Variants in TBX5 observed in about 807,000 individuals in gnomAD.
The protein encoded by TBX5 is T-box transcription factor TBX5.
Under a neutral mutation model 51.1 loss-of-function variants are expected in TBX5, and 8 were observed. That is an observed-to-expected ratio of 0.16 (90% CI 0.09 to 0.28). The LOEUF is 0.28. Among genes scored for constraint, TBX5 ranks in the 10% least tolerant of loss-of-function variants. TBX5 has a pLI of 1.00. For missense variants in TBX5, 589 were observed against 671.7 expected, an observed-to-expected ratio of 0.88 and a Z score of 1.36; for synonymous variants, 302 against 266.4, an observed-to-expected ratio of 1.13 and a Z score of -1.30.
intron 5 of TBX5, among the ~76,000 whole-genome samples, chr12:114,396,034 G>A (rs1256653390): frequency 1.3e-5 from 2 of 152,178 alleles, no homozygotes; most frequent in Non-Finnish European, 2.9e-5. Context: ...GGGAACTGCG[G>A]AGGTTGTCTC....
chr12:114,397,578 G>A (rs935890906), intron 5 of TBX5, among the ~76,000 whole-genome samples: 4 of 152,176 alleles, frequency 2.6e-5, no homozygotes, highest in Admixed American at 1.3e-4. Flanking sequence ...GGGAAGAGGG[G>A]TGATGACCCT....
intron 8 of TBX5, among the ~76,000 whole-genome samples, chr12:114,364,585 C>A (rs971281832): frequency 3.3e-5 from 5 of 152,106 alleles, no homozygotes; most frequent in African/African-American, 1.2e-4. Context: ...TTTAGCCTAC[C>A]CCATCCCTTC....
chr12:114,368,416 G>A (rs1869675865), intron 7 of TBX5, among the ~76,000 whole-genome samples: 1 of 152,128 alleles, frequency 6.6e-6, no homozygotes, highest in Non-Finnish European at 1.5e-5. Flanking sequence ...CATGCGCAAA[G>A]AGCTACACGT....
intron 8 of TBX5, among the ~76,000 whole-genome samples, chr12:114,365,727 G>A (rs1011873281): frequency 6.6e-6 from 1 of 151,442 alleles, no homozygotes; most frequent in African/African-American, 2.4e-5. Context: ...CTACTAGGGA[G>A]GCTGATGTGA....
At chr12:114,384,014 T>A (rs2136395815) in intron 7 of TBX5, among the ~76,000 whole-genome samples, 1 of 152,324 alleles carries the variant, frequency 6.6e-6, no homozygotes, top group Middle Eastern at 3.4e-3. Context: ...CCGTGAATTA[T>A]TGAACCTCTT....
intron 3 of TBX5, among the ~76,000 whole-genome samples, chr12:114,401,028 A>T (rs1409354096): frequency 1.3e-5 from 2 of 151,904 alleles, no homozygotes; most frequent in African/African-American, 2.4e-5. Flanking sequence ...GACGCGGAAG[A>T]CCCGTCCAGC....
At chr12:114,404,346 A>G (rs755546340) in intron 1 of TBX5, among the ~76,000 whole-genome samples, 19 of 152,126 alleles carry the variant, frequency 1.2e-4, no homozygotes, top group Non-Finnish European at 2.2e-4. Flanking sequence ...ACAAAAACCC[A>G]GTGTCCTTTA....
At chr12:114,393,424 C>T (rs1394557806) in intron 6 of TBX5, among the ~76,000 whole-genome samples, 1 of 152,196 alleles carries the variant, frequency 6.6e-6, no homozygotes, top group East Asian at 1.9e-4. Context: ...GGGCAGGGGC[C>T]CCTCCCCCAG....
At chr12:114,357,492 T>A (rs2136362179) in intron 8 of TBX5, among the ~76,000 whole-genome samples, 1 of 152,318 alleles carries the variant, frequency 6.6e-6, no homozygotes, top group African/African-American at 2.4e-5. Context: ...GCAGGGCATC[T>A]ACGCTCAGAG....
rs372557517 is a variant in TBX5, at chr12:114,403,800, C to T, written c.99G>A (p.Gly33=). 2 of 1,614,072 alleles carry T rather than the reference C, an allele frequency of 1.2e-6. No individual in the cohort carries two copies. Among genetic ancestry groups the T allele is most frequent in the African/African-American group, 1.3e-5 (1 of 75,046 alleles). ...GGGACGACGGGGACTTGCTGGGGGC[C>T]CCGAGCGCGCTCTCGGGTTTCGAAT... ...PCDSKPESAL[G]APSKSPSSPQ... is the part of the protein sequence containing the mutation. The change falls in exon 2 of 9, where the codon GGG becomes GGA. Residue 33 remains glycine, a synonymous_variant. Coordinates refer to ENST00000405440, the MANE Select transcript of TBX5 (RefSeq NM_181486.4).
At chr12:114,392,643 A>G (rs948357242) in intron 6 of TBX5, among the ~76,000 whole-genome samples, 2 of 152,104 alleles carry the variant, frequency 1.3e-5, no homozygotes, top group African/African-American at 4.8e-5. Context: ...AAAAGATCTC[A>G]TATATTTTTG....
chr12:114,372,981 TACAC>T (rs56137685), intron 7 of TBX5, among the ~76,000 whole-genome samples: 25,819 of 142,726 alleles, frequency 0.18, 2,434 homozygotes, highest in African/African-American at 0.25. Flanking sequence ...TATATATACA[TACAC>T]ACACACACAC....
At chr12:114,373,993 T>C (rs534324748) in intron 7 of TBX5, among the ~76,000 whole-genome samples, 7 of 152,344 alleles carry the variant, frequency 4.6e-5, no homozygotes, top group Non-Finnish European at 8.8e-5. Flanking sequence ...CTCAAACTGC[T>C]TTCTGTACCA....
At chr12:114,399,759 C>G in intron 3 of TBX5, 127 bp from the exon 4 acceptor site, 1 of 1,452,018 alleles carries the variant, frequency 6.9e-7, no homozygotes, top group Non-Finnish European at 9.5e-7. Context: ...TAGCCCCGTT[C>G]CGCTCTCCGC....
rs191980400 is a variant in TBX5 at position 114,361,869 on chromosome 12, G to A, written c.982+4296C>T. Among the ~76,000 whole-genome samples the A allele has an allele frequency of 3.5e-3, 533 of 152,278 alleles. 3 individuals are homozygous for A. The highest frequency in any genetic ancestry group is 6.6e-3 in the Non-Finnish European group (449 of 68,024). On this transcript the variant is annotated intron_variant, in intron 8 of 8. Coordinates refer to ENST00000405440, the MANE Select transcript of TBX5 (RefSeq NM_181486.4). ...CTCGGTTGGAATGTTCCCTGTCACT[G>A]GGAGCTCCCTTTTGGGGGTGGAGGG...
In TBX5 at chr12:114,355,808, G is replaced by A. The variant is rs6489957; in HGVS notation, c.1281C>T (p.Ser427=). Residue 427 remains serine (S), a synonymous_variant, in exon 9 of 9, where the codon TCC becomes TCT. Transcript: ENST00000405440. ...PMDRLPYQHF[S]AHFTSGPLVP... ...CCAGGGGCCCCGAGGTGAAGTGAGCGGAGAAGTGCTGGTAGGGTAGCCTGT... is the reference window on the plus strand; with the variant it reads ...CCAGGGGCCCCGAGGTGAAGTGAGCAGAGAAGTGCTGGTAGGGTAGCCTGT... 4,865 of 1,614,076 alleles carry A rather than the reference G, an allele frequency of 3.0e-3. 117 individuals carry two copies. The African/African-American group carries it at 0.057, about 19-fold the overall frequency.
rs185277381 is a variant in TBX5, at chr12:114,385,127, C to T, written c.755+349G>A. Among the ~76,000 whole-genome samples, 215 of 148,880 alleles carry T rather than the reference C, an allele frequency of 1.4e-3. 1 individual carries two copies. The highest frequency in any genetic ancestry group is 4.9e-3 in the African/African-American group (198 of 40,758). ...GCCAAAAAAAAAAAAAAGCATTCAT[C>T]GGCTGTGACTTATGGGAAGAAAAAG... On this transcript the variant is annotated intron_variant, in intron 7 of 8. Transcript: ENST00000405440.
chr12:114,381,324 G>A (rs574636945), intron 7 of TBX5, among the ~76,000 whole-genome samples: 3 of 152,232 alleles, frequency 2.0e-5, no homozygotes, highest in South Asian at 4.2e-4. Flanking sequence ...AGCTGTCACC[G>A]GGTGTGTAGG....
intron 7 of TBX5, among the ~76,000 whole-genome samples, chr12:114,373,892 T>G (rs1870056870): frequency 6.6e-6 from 1 of 152,256 alleles, no homozygotes; most frequent in African/African-American, 2.4e-5. Flanking sequence ...GTTTAGTCTT[T>G]TCTTTTACAT....
Sources: gnomAD v4.1 joint callset for allele counts (sites outside exome capture counted in the v4.1 genomes callset) on GRCh38, gnomAD v4.1.1 for gene constraint, MANE v1.5 for transcripts, NCBI Gene and HGNC (gene_info 2026-07-23, HGNC 2026-07-21) for gene names.